Variants in CFAP77 observed in about 807,000 individuals in gnomAD.
CFAP77 encodes cilia and flagella associated protein 77, also known as cilia- and flagella-associated protein 77.
CFAP77 carries 25 observed loss-of-function variants against 31.1 expected under a neutral mutation model. The observed-to-expected ratio is 0.80, with a 90% CI of 0.59 to 1.12. The LOEUF is 1.12. Ranked by LOEUF, CFAP77 falls within the 50% of genes most tolerant of loss-of-function variation. The pLI, the probability that CFAP77 is intolerant of heterozygous loss-of-function variation, is 0.00. For synonymous variants in CFAP77, 151 were observed against 159.9 expected (o/e 0.94, Z 0.42); for missense variants, 377 against 397.3 (o/e 0.95, Z 0.44).
chr9:132,473,082 C>T (rs955168750), intron 1 of CFAP77, among the ~76,000 whole-genome samples: 1 of 152,080 alleles, frequency 6.6e-6, no homozygotes, highest in Non-Finnish European at 1.5e-5. Context: ...GTGCAGGGAC[C>T]CCTCTGTGAG....
At chr9:132,510,049 C>T (rs1852005846) in intron 3 of CFAP77, among the ~76,000 whole-genome samples, 1 of 152,138 alleles carries the variant, frequency 6.6e-6, no homozygotes, top group Admixed American at 6.5e-5. Flanking sequence ...GATTTATTCG[C>T]GGCCTGACAC....
intron 1 of CFAP77, among the ~76,000 whole-genome samples, chr9:132,471,029 C>T (rs549396969): frequency 2.0e-5 from 3 of 151,864 alleles, no homozygotes; most frequent in African/African-American, 4.8e-5. Flanking sequence ...TATTTTTTTT[C>T]CTTATGCTTG....
intron 3 of CFAP77, among the ~76,000 whole-genome samples, chr9:132,506,083 A>G (rs1282727580): frequency 1.3e-5 from 2 of 152,238 alleles, no homozygotes; most frequent in Non-Finnish European, 2.9e-5. Flanking sequence ...TACGGTGCAG[A>G]GCCCGGATTT....
chr9:132,493,768 C>T (rs112823030), intron 1 of CFAP77, among the ~76,000 whole-genome samples: 3,107 of 152,358 alleles, frequency 0.02, 92 homozygotes, highest in African/African-American at 0.071. Flanking sequence ...TTTCACTCCA[C>T]GCTTTGTGTC....
intron 1 of CFAP77, among the ~76,000 whole-genome samples, chr9:132,472,690 C>A (rs899540997): frequency 6.6e-6 from 1 of 152,078 alleles, no homozygotes; most frequent in Non-Finnish European, 1.5e-5. Flanking sequence ...TCACTTGAGC[C>A]GAGGAGATCG....
rs779266832 is a variant in CFAP77, at chr9:132,497,446, G to A, written c.196-1249G>A. Among the ~76,000 whole-genome samples, 11 of 152,140 alleles carry A rather than the reference G, an allele frequency of 7.2e-5. No individual in the cohort carries two copies. Among genetic ancestry groups the A allele is most frequent in the East Asian group, 1.9e-4 (1 of 5,164 alleles). The stretch of plus-strand genomic sequence containing the variant: ...AACACCCTGTGACTTCGAAACCACC[G>A]CCTGTGGCCTGTGGCCTGTGGCCTG... On this transcript the variant is annotated intron_variant, in intron 1 of 5. Coordinates refer to ENST00000393216, the MANE Select transcript of CFAP77 (RefSeq NM_001282957.2). The surrounding 1 kb of genome is among the most constrained non-coding windows in gnomAD (Gnocchi z 4.9).
chr9:132,550,156 C>T (rs1448608679), intron 5 of CFAP77, among the ~76,000 whole-genome samples: 1 of 152,228 alleles, frequency 6.6e-6, no homozygotes, highest in African/African-American at 2.4e-5. Context: ...ACCAGTCCTA[C>T]AACCTGGGAA....
intron 5 of CFAP77, 92 bp from the exon 6 acceptor site, chr9:132,572,295 TA>T: frequency 7.1e-7 from 1 of 1,416,864 alleles, no homozygotes; most frequent in Non-Finnish European, 9.6e-7. Flanking sequence ...ATCATTATTC[TA>T]AGATTGAAGC....
intron 1 of CFAP77, among the ~76,000 whole-genome samples, chr9:132,446,633 T>C (rs751477470): frequency 5.8e-4 from 86 of 148,554 alleles, no homozygotes; most frequent in Non-Finnish European, 6.2e-4. Flanking sequence ...CCCAGCTACT[T>C]GGGAGGCTGA....
At chr9:132,550,885 G>C (rs1205864246) in intron 5 of CFAP77, among the ~76,000 whole-genome samples, 2 of 152,074 alleles carry the variant, frequency 1.3e-5, no homozygotes, top group African/African-American at 4.8e-5. Flanking sequence ...GATTTCCTGG[G>C]ATAAACTCAG....
rs71503303 is a variant in CFAP77, at chr9:132,416,329, A to ATTTTTT, written c.195+5886_195+5891dup. 2.7e-4 allele frequency among the ~76,000 whole-genome samples: 16 copies of ATTTTTT among 60,304 alleles called. 1 individual carries two copies. Among genetic ancestry groups the ATTTTTT allele is most frequent in the Non-Finnish European group, 4.4e-4 (14 of 31,904 alleles). The allele number at this position is 60,304 out of a possible 152,430, so 39.6% of individuals were successfully genotyped here. ...ATAACTGTTGAGTGCTTCTTATCTG[A>ATTTTTT]TTTTTTTTTTTTTTTTTTTTTTTTT... On this transcript the variant is annotated intron_variant, in intron 1 of 5. Coordinates refer to ENST00000393216, the MANE Select transcript of CFAP77 (RefSeq NM_001282957.2).
At chr9:132,560,240 G>C (rs763101823) in intron 5 of CFAP77, among the ~76,000 whole-genome samples, 2 of 152,192 alleles carry the variant, frequency 1.3e-5, no homozygotes, top group Non-Finnish European at 2.9e-5. Context: ...TCATCGCCTA[G>C]ATTCTGACTT....
chr9:132,523,174 G>A (rs2014684), intron 3 of CFAP77, among the ~76,000 whole-genome samples: 67,458 of 150,610 alleles, frequency 0.45, 15,625 homozygotes, highest in East Asian at 0.77. Flanking sequence ...TGTAACCTCC[G>A]TCTTCCGGGT....
At position 132,490,504 on chromosome 9, in the gene CFAP77, C is replaced by G. The variant is rs1160635787; in HGVS notation, c.196-8191C>G. Among the ~76,000 whole-genome samples, 3 of 152,168 alleles carry G rather than the reference C, an allele frequency of 2.0e-5. No individual in the cohort carries two copies. Among genetic ancestry groups the G allele is most frequent in the African/African-American group, 7.2e-5 (3 of 41,434 alleles). On this transcript the variant is annotated intron_variant, in intron 1 of 5. Transcript: ENST00000393216. The surrounding 1 kb of genome is among the most constrained non-coding windows in gnomAD (Gnocchi z 4.6). ...TGAGGTGCCCAGAGACCCGCCACCC[C>G]TCTGTCAGGCAGCTTTTCTCTGTAG...
Position 132,511,830 on chromosome 9 carries a change from C to T in CFAP77, c.524+12230C>T, listed in dbSNP as rs995658289. On this transcript the variant is annotated intron_variant, in intron 3 of 5. Transcript: ENST00000393216. The surrounding 1 kb of genome is among the most constrained non-coding windows in gnomAD (Gnocchi z 5.8). ...CAGCACTGTGGGAGGCTGAGGCGGGCGGATCACGAGGTCAGGAGTTCGACA... is the reference window on the plus strand; with the variant it reads ...CAGCACTGTGGGAGGCTGAGGCGGGTGGATCACGAGGTCAGGAGTTCGACA... 3.9e-5 allele frequency among the ~76,000 whole-genome samples: 6 copies of T among 152,142 alleles called. No homozygotes were observed. Among genetic ancestry groups the T allele is most frequent in the Non-Finnish European group, 5.9e-5 (4 of 67,964 alleles).
In CFAP77 at chr9:132,554,661, G is replaced by T. The variant is rs770741928; in HGVS notation, c.732+11614G>T. Reference sequence around the variant, plus strand: ...CCTTAAATACCTTGTTTCACCTTGCGTGCAATCCGCCAGATACCTTCAAAT... The same window carrying T: ...CCTTAAATACCTTGTTTCACCTTGCTTGCAATCCGCCAGATACCTTCAAAT... On this transcript the variant is annotated intron_variant, in intron 5 of 5. Transcript: ENST00000393216. This position sits in a 1 kb window ranked among gnomAD's most constrained non-coding sequence, Gnocchi z 4.1. Among the ~76,000 whole-genome samples, 1 of 152,148 alleles carries T rather than the reference G, an allele frequency of 6.6e-6. No homozygotes were observed. Among genetic ancestry groups the T allele is most frequent in the Non-Finnish European group, 1.5e-5 (1 of 68,032 alleles).
Position 132,545,066 on chromosome 9 carries a change from C to T in CFAP77, c.732+2019C>T, listed in dbSNP as rs1454244480. ...GTGCTGGGAGCTCCGGTCTGTCTCA[C>T]TCACCTGTGTCCCACGGCGCCTGGC... On this transcript the variant is annotated intron_variant, in intron 5 of 5. Coordinates refer to ENST00000393216, the MANE Select transcript of CFAP77 (RefSeq NM_001282957.2). The surrounding 1 kb of genome is among the most constrained non-coding windows in gnomAD (Gnocchi z 4.6). 6.6e-6 allele frequency among the ~76,000 whole-genome samples: 1 copy of T among 152,220 alleles called. No homozygotes were observed. Among genetic ancestry groups the T allele is most frequent in the East Asian group, 1.9e-4 (1 of 5,190 alleles).
intron 3 of CFAP77, among the ~76,000 whole-genome samples, chr9:132,535,557 C>CA (rs1589913055): frequency 6.6e-6 from 1 of 151,972 alleles, no homozygotes; most frequent in Non-Finnish European, 1.5e-5. Context: ...ACTAAAGATA[C>CA]AAAAAATTAG....
intron 1 of CFAP77, among the ~76,000 whole-genome samples, chr9:132,444,018 C>T (rs1327201526): frequency 3.9e-5 from 6 of 152,240 alleles, no homozygotes; most frequent in African/African-American, 1.4e-4. Context: ...TGACAGTGGC[C>T]CTCCCGGGCC....
Sources: allele counts gnomAD v4.1 joint callset (sites outside exome capture counted in the v4.1 genomes callset), GRCh38; gene constraint gnomAD v4.1.1; non-coding constraint Gnocchi (gnomAD v3.1); transcripts MANE v1.5; gene names NCBI Gene and HGNC (gene_info 2026-07-23, HGNC 2026-07-21).